ARID1B: variants seen among roughly 807,000 people sequenced by gnomAD.
ARID1B encodes AT-rich interaction domain 1B.
In ARID1B, 30 loss-of-function variants were observed where a neutral mutation model predicts 212.3. That is an observed-to-expected ratio of 0.14 (90% CI 0.11 to 0.19). ARID1B has a LOEUF of 0.19. ARID1B is among the 10% of genes least tolerant of loss of function. The pLI is 1.00. For synonymous variants in ARID1B, 1,402 were observed against 1,301.7 expected (o/e 1.08, Z -1.66); for missense variants, 2,891 against 3,204.0 (o/e 0.90, Z 2.36).
At chr6:157,156,148 G>T (rs1790560565) in intron 8 of ARID1B, among the ~76,000 whole-genome samples, 1 of 152,176 alleles carries the variant, frequency 6.6e-6, no homozygotes, top group African/African-American at 2.4e-5. Flanking sequence ...CAGTTGTAGT[G>T]GGGTCCATGT....
At chr6:156,921,905 G>A (rs762962031) in intron 3 of ARID1B, among the ~76,000 whole-genome samples, 5 of 151,312 alleles carry the variant, frequency 3.3e-5, no homozygotes, top group Non-Finnish European at 7.4e-5. Context: ...CATTCCATAG[G>A]CATTTCACAG....
chr6:156,910,284 G>A (rs1176782286), intron 3 of ARID1B, among the ~76,000 whole-genome samples: 2 of 152,196 alleles, frequency 1.3e-5, no homozygotes, highest in Non-Finnish European at 2.9e-5. Flanking sequence ...TGGTTAGCTT[G>A]TGGTTGCTAT....
At position 157,181,101 on chromosome 6, in the gene ARID1B, C is replaced by A. The variant is rs757809298; in HGVS notation, c.3637C>A (p.Leu1213Met). ...AGAGAGAGGCTCTCCTGTCTCAAGT[C>A]TGCCTGCCGTGGGCAAGAAGCCCCT... ...MEERGSPVSSLPAVGKKPLDL... is the reference protein window; with the variant it reads ...MEERGSPVSSMPAVGKKPLDL... Residue 1213 changes from leucine (L) to methionine (M), a missense_variant, in exon 12 of 20, where the codon CTG becomes ATG. Coordinates refer to ENST00000636930, the MANE Select transcript of ARID1B (RefSeq NM_001374828.1). The A allele has an allele frequency of 2.5e-6, 4 of 1,614,204 alleles. No homozygotes were observed. The highest frequency in any genetic ancestry group is 3.4e-6 in the Non-Finnish European group (4 of 1,180,048).
chr6:156,813,058 A>G (rs1257648954), intron 1 of ARID1B, among the ~76,000 whole-genome samples: 1 of 144,722 alleles, frequency 6.9e-6, no homozygotes, highest in Non-Finnish European at 1.5e-5. Flanking sequence ...ACGTATGTAT[A>G]TACATATATA....
chr6:156,796,276 GC>G (rs1780370883), intron 1 of ARID1B, among the ~76,000 whole-genome samples: 1 of 152,124 alleles, frequency 6.6e-6, no homozygotes, highest in Non-Finnish European at 1.5e-5. Context: ...AGCTGACTGT[GC>G]CTAACCCATC....
At chr6:156,929,684 C>T (rs1791538207) in intron 3 of ARID1B, among the ~76,000 whole-genome samples, 1 of 152,176 alleles carries the variant, frequency 6.6e-6, no homozygotes, top group Non-Finnish European at 1.5e-5. Flanking sequence ...AAAAACTTTT[C>T]TTAAATAACA....
Position 156,779,151 on chromosome 6 carries a change from C to G in ARID1B, c.1471C>G (p.Gln491Glu), listed in dbSNP as rs1778978433. 1.5e-6 allele frequency: 2 copies of G among 1,304,220 alleles called. No homozygotes were observed. Among genetic ancestry groups the G allele is most frequent in the Non-Finnish European group, 9.8e-7 (1 of 1,021,370 alleles). 80.8% of individuals were successfully genotyped at this position (1,304,220 alleles called of 1,614,324 possible). A position where few individuals can be genotyped will look rare whatever the true frequency, so the allele number is the denominator to read the frequency against. ...GGGGGGCTTCCAGCGCTTCGCCGGC[C>G]AGAACCAGCACCCGTCGGGGGCCAC... ...AAGGFQRFAG[Q>E]NQHPSGATPT... Residue 491 changes from glutamine to glutamate, a missense_variant, in exon 1 of 20, where the codon CAG becomes GAG. Gln to Glu is a conservative substitution (Grantham distance 29, BLOSUM62 2). Coordinates refer to ENST00000636930, the MANE Select transcript of ARID1B (RefSeq NM_001374828.1).
intron 19 of ARID1B, 110 bp downstream of exon 19, chr6:157,204,106 C>A: frequency 7.5e-7 from 1 of 1,333,104 alleles, no homozygotes; most frequent in Non-Finnish European, 1.1e-6. Context: ...CCGTCCAACA[C>A]TGTTAATCAC....
At chr6:157,029,932 TC>T (rs1203607963) in intron 4 of ARID1B, among the ~76,000 whole-genome samples, 5 of 152,166 alleles carry the variant, frequency 3.3e-5, no homozygotes, top group Admixed American at 1.3e-4. Flanking sequence ...TTTCAGAACT[TC>T]CTTTAGTGTC....
intron 2 of ARID1B, among the ~76,000 whole-genome samples, chr6:156,859,864 T>C (rs1785203630): frequency 6.6e-6 from 1 of 152,256 alleles, no homozygotes; most frequent in South Asian, 2.1e-4. Flanking sequence ...AATGTTTTCA[T>C]TCAGACTTTC....
chr6:156,903,623 C>A (rs1161017508), intron 3 of ARID1B, among the ~76,000 whole-genome samples: 1 of 152,156 alleles, frequency 6.6e-6, no homozygotes, highest in African/African-American at 2.4e-5. Flanking sequence ...ATATATTTAG[C>A]ACCTCCAAAA....
intron 4 of ARID1B, among the ~76,000 whole-genome samples, chr6:157,019,663 T>C (rs1780110092): frequency 6.6e-6 from 1 of 152,182 alleles, no homozygotes; most frequent in Non-Finnish European, 1.5e-5. Context: ...AGGTTCTGTT[T>C]TAGGCTCTAT....
chr6:156,921,090 G>T (rs1056639675), intron 3 of ARID1B, among the ~76,000 whole-genome samples: 1 of 152,014 alleles, frequency 6.6e-6, no homozygotes, highest in African/African-American at 2.4e-5. Context: ...TATCTTCCTT[G>T]CTTGAAAGCA....
chr6:156,861,848 TGAGTGACAAGG>T (rs1421978054), intron 2 of ARID1B, among the ~76,000 whole-genome samples: 1 of 151,924 alleles, frequency 6.6e-6, no homozygotes, highest in Admixed American at 6.6e-5. Flanking sequence ...GAAAGGAAGG[TGAGTGACAAGG>T]GAGTGACCCT....
chr6:156,960,648 T>C (rs1794308845), intron 4 of ARID1B, among the ~76,000 whole-genome samples: 1 of 152,214 alleles, frequency 6.6e-6, no homozygotes, highest in African/African-American at 2.4e-5. Context: ...ATTTCACTAC[T>C]AGTCTTTGTA....
chr6:156,957,966 A>T (rs1583027334), intron 4 of ARID1B, among the ~76,000 whole-genome samples: 2 of 152,272 alleles, frequency 1.3e-5, no homozygotes, highest in East Asian at 3.9e-4. Flanking sequence ...TAATTCATTC[A>T]CTTTTTTAGT....
chr6:157,120,466 A>T (rs1002528329), intron 6 of ARID1B, among the ~76,000 whole-genome samples: 1 of 152,234 alleles, frequency 6.6e-6, no homozygotes, highest in Non-Finnish European at 1.5e-5. Flanking sequence ...GCCTGGGTTA[A>T]AGCCTTGAAC....
intron 18 of ARID1B, among the ~76,000 whole-genome samples, chr6:157,202,674 C>T (rs1226237906): frequency 1.3e-5 from 2 of 150,844 alleles, no homozygotes; most frequent in Non-Finnish European, 1.5e-5. Flanking sequence ...ACACATATTC[C>T]TTTATATATA....
At chr6:156,790,089 T>A (rs1377797136) in intron 1 of ARID1B, among the ~76,000 whole-genome samples, 1 of 152,242 alleles carries the variant, frequency 6.6e-6, no homozygotes, top group Non-Finnish European at 1.5e-5. Flanking sequence ...TTTCCTGATA[T>A]GTTTTTACCT....
Sources: allele counts gnomAD v4.1 joint callset (sites outside exome capture counted in the v4.1 genomes callset), GRCh38; gene constraint gnomAD v4.1.1; transcripts MANE v1.5; gene names NCBI Gene and HGNC (gene_info 2026-07-23, HGNC 2026-07-21).